The following SGCD variants were observed in gnomAD, a reference collection of about 807,000 sequenced individuals.
The protein encoded by SGCD is delta-sarcoglycan.
SGCD carries 18 observed loss-of-function variants against 36.6 expected under a neutral mutation model. The observed-to-expected ratio is 0.49, with a 90% CI of 0.34 to 0.73. The LOEUF is 0.73. Among genes scored for constraint, SGCD ranks in the 30% least tolerant of loss-of-function variants. The pLI is 0.01. For missense variants in SGCD, 387 were observed against 346.7 expected (o/e 1.12, Z -0.92); for synonymous variants, 133 against 130.6 (o/e 1.02, Z -0.12).
chr5:156,027,551 G>A (rs1004418588), intron 1 of SGCD, among the ~76,000 whole-genome samples: 2 of 151,968 alleles, frequency 1.3e-5, no homozygotes, highest in Admixed American at 1.3e-4. Flanking sequence ...TTTTTCCTTA[G>A]ATGACAGGGG....
At chr5:156,425,390 C>T (rs555505743) in intron 3 of SGCD, among the ~76,000 whole-genome samples, 1 of 152,030 alleles carries the variant, frequency 6.6e-6, no homozygotes, top group South Asian at 2.1e-4. Context: ...ATTAAACACA[C>T]AAAATTTAAT....
intron 3 of SGCD, among the ~76,000 whole-genome samples, chr5:156,405,747 T>G (rs1381401458): frequency 1.3e-5 from 2 of 152,154 alleles, no homozygotes; most frequent in Admixed American, 1.3e-4. Flanking sequence ...AAGATGGTTT[T>G]GAGTCCTGTG....
At chr5:155,770,928 T>G in the SGCD span, among the ~76,000 whole-genome samples, 2 of 152,186 alleles carry the variant, frequency 1.3e-5, no homozygotes, top group East Asian at 3.9e-4. Flanking sequence ...AGACGTGATC[T>G]CTCTTAAGTA....
chr5:156,558,747 A>C (rs1759150076), intron 4 of SGCD, among the ~76,000 whole-genome samples: 1 of 152,202 alleles, frequency 6.6e-6, no homozygotes, highest in African/African-American at 2.4e-5. Context: ...TAAGTGAATA[A>C]GATGATACTG....
chr5:156,233,152 G>T (rs1765063969), intron 3 of SGCD, among the ~76,000 whole-genome samples: 2 of 152,244 alleles, frequency 1.3e-5, no homozygotes, highest in South Asian at 4.1e-4. Flanking sequence ...AAAATTTGTA[G>T]CTATGTAGAA....
At chr5:156,641,470 A>C (rs938198647) in intron 6 of SGCD, among the ~76,000 whole-genome samples, 1 of 152,232 alleles carries the variant, frequency 6.6e-6, no homozygotes, top group Admixed American at 6.5e-5. Context: ...TTATTAGTTT[A>C]TTCATAATTT....
chr5:156,394,446 G>A (rs559288050), intron 3 of SGCD, among the ~76,000 whole-genome samples: 1 of 152,168 alleles, frequency 6.6e-6, no homozygotes, highest in Non-Finnish European at 1.5e-5. Flanking sequence ...CAATACGAGA[G>A]ATTGTAAGAG....
chr5:156,513,333 AACCTCACATGTAGTTTTTAGC>A (rs975180664), intron 4 of SGCD, among the ~76,000 whole-genome samples: 3 of 152,164 alleles, frequency 2.0e-5, no homozygotes, highest in Non-Finnish European at 4.4e-5. Flanking sequence ...GATGCTCATG[AACCTCACATGTAGTTTTTAGC>A]ACCTTTCCAT....
the SGCD span, among the ~76,000 whole-genome samples, chr5:155,834,502 C>A: frequency 4.7e-4 from 72 of 152,006 alleles, 2 homozygotes; most frequent in Non-Finnish European, 7.4e-5. Flanking sequence ...TGTTTTGTAA[C>A]CTTATCGTGT....
chr5:156,347,795 T>C (rs1446255424), intron 3 of SGCD, among the ~76,000 whole-genome samples: 1 of 152,180 alleles, frequency 6.6e-6, no homozygotes, highest in Non-Finnish European at 1.5e-5. Flanking sequence ...CTGGAAGACT[T>C]AATAGAAGTA....
At chr5:156,578,253 A>G (rs1327251687) in intron 4 of SGCD, among the ~76,000 whole-genome samples, 2 of 152,224 alleles carry the variant, frequency 1.3e-5, no homozygotes, top group African/African-American at 2.4e-5. Flanking sequence ...CTTGCATCCC[A>G]GGAATGAAGC....
chr5:156,278,180 G>A (rs1270355360), intron 3 of SGCD, among the ~76,000 whole-genome samples: 1 of 152,116 alleles, frequency 6.6e-6, no homozygotes, highest in African/African-American at 2.4e-5. Flanking sequence ...AAAGGTCAGT[G>A]GGACTGGTAT....
chr5:156,686,567 A>G (rs1375219155), intron 7 of SGCD, among the ~76,000 whole-genome samples: 1 of 152,244 alleles, frequency 6.6e-6, no homozygotes, highest in Non-Finnish European at 1.5e-5. Flanking sequence ...ATCCTTGAAC[A>G]GAATCCCTGC....
chr5:156,047,513 G>A (rs1759799341), intron 1 of SGCD, among the ~76,000 whole-genome samples: 1 of 152,034 alleles, frequency 6.6e-6, no homozygotes, highest in Non-Finnish European at 1.5e-5. Flanking sequence ...AAAATTCTAG[G>A]GCCCTTAAGA....
In SGCD at chr5:156,142,618, C is replaced by T. The variant is rs1435068981; in HGVS notation, c.-44+18599C>T. ...CTTTTGGAAACCAGAGAAAAGGTCACTTTTGCTATGCATTAGTAAAGAGGT... is the reference window on the plus strand; with the variant it reads ...CTTTTGGAAACCAGAGAAAAGGTCATTTTTGCTATGCATTAGTAAAGAGGT... On this transcript the variant is annotated intron_variant, in intron 3 of 9. Transcript: ENST00000517913. Among the ~76,000 whole-genome samples the T allele has an allele frequency of 2.0e-5, 3 of 152,188 alleles. No individual in the cohort carries two copies. The East Asian group carries it at 5.8e-4, about 29-fold the overall frequency.
chr5:156,160,631 A>G lies in SGCD; in HGVS notation c.-44+36612A>G, dbSNP rs1472894257. 5.3e-5 allele frequency among the ~76,000 whole-genome samples: 8 copies of G among 151,822 alleles called. No homozygotes were observed. The East Asian group carries it at 1.3e-3, about 26-fold the overall frequency. ...AGATTTTGAGGAAGAAATTGCACAT[A>G]TATTCTTGATTTCAATATTTAGCCC... On this transcript the variant is annotated intron_variant, in intron 3 of 9. Transcript: ENST00000517913.
intron 1 of SGCD, among the ~76,000 whole-genome samples, chr5:155,921,585 G>T (rs1437534400): frequency 6.6e-6 from 1 of 152,040 alleles, no homozygotes; most frequent in Non-Finnish European, 1.5e-5. Flanking sequence ...AAAGAAAGGG[G>T]AGGCTGAAGT....
the SGCD span, among the ~76,000 whole-genome samples, chr5:155,850,658 G>A: frequency 1.3e-5 from 2 of 151,652 alleles, no homozygotes; most frequent in Admixed American, 6.6e-5. Flanking sequence ...AGAAACTGTA[G>A]TGGTTGGTGG....
intron 1 of SGCD, among the ~76,000 whole-genome samples, chr5:155,949,972 A>G (rs993004400): frequency 1.3e-5 from 2 of 152,162 alleles, no homozygotes; most frequent in African/African-American, 4.8e-5. Context: ...ATAAAATGTA[A>G]TGGCAACTCA....
Sources: gnomAD v4.1 joint callset for allele counts (sites outside exome capture counted in the v4.1 genomes callset) on GRCh38, gnomAD v4.1.1 for gene constraint, MANE v1.5 for transcripts, NCBI Gene and HGNC (gene_info 2026-07-23, HGNC 2026-07-21) for gene names.